Variants in ABLIM1 observed in about 807,000 individuals in gnomAD.
The protein encoded by ABLIM1 is actin-binding LIM protein 1.
ABLIM1 carries 40 observed loss-of-function variants against 107.0 expected under a neutral mutation model. That is an observed-to-expected ratio of 0.37 (90% CI 0.29 to 0.49). ABLIM1 has a LOEUF of 0.49. Among genes scored for constraint, ABLIM1 ranks in the 20% least tolerant of loss-of-function variants. The pLI, the probability that ABLIM1 is intolerant of heterozygous loss-of-function variation, is 0.97. For missense variants in ABLIM1, 857 were observed against 1,008.5 expected, an observed-to-expected ratio of 0.85 and a Z score of 2.04; for synonymous variants, 357 against 357.3, an observed-to-expected ratio of 1.00 and a Z score of 0.01.
chr10:114,612,807 T>C (rs994474049), intron 1 of ABLIM1, among the ~76,000 whole-genome samples: 1 of 152,164 alleles, frequency 6.6e-6, no homozygotes, highest in African/African-American at 2.4e-5. Context: ...ATCTGAGCCA[T>C]TTACAGAAAT....
intron 1 of ABLIM1, among the ~76,000 whole-genome samples, chr10:114,653,020 C>T (rs541078165): frequency 1.3e-5 from 2 of 152,284 alleles, no homozygotes; most frequent in East Asian, 3.9e-4. Context: ...GTTCAGCGTA[C>T]CTCATGAATG....
At chr10:114,480,972 T>C (rs540647498) in intron 8 of ABLIM1, among the ~76,000 whole-genome samples, 10 of 152,346 alleles carry the variant, frequency 6.6e-5, no homozygotes, top group South Asian at 2.1e-4. Flanking sequence ...TCTTTTTGTT[T>C]TCTTCATGAA....
chr10:114,461,393 GTT>G (rs11297952), intron 12 of ABLIM1, among the ~76,000 whole-genome samples: 22,816 of 140,694 alleles, frequency 0.16, 1,847 homozygotes, highest in Admixed American at 0.23. Flanking sequence ...CAACTGAAGG[GTT>G]TTTTTTTTTT....
At chr10:114,456,840 T>A (rs774948273) in intron 12 of ABLIM1, among the ~76,000 whole-genome samples, 1 of 151,994 alleles carries the variant, frequency 6.6e-6, no homozygotes, top group African/African-American at 2.4e-5. Context: ...TCCCAAGGAC[T>A]GGATTCTGGC....
At chr10:114,747,326 A>G (rs899139392) in intron 1 of ABLIM1, among the ~76,000 whole-genome samples, 1 of 152,216 alleles carries the variant, frequency 6.6e-6, no homozygotes, top group African/African-American at 2.4e-5. Flanking sequence ...CCACGGGGAC[A>G]TGGAAGCTTT....
intron 3 of ABLIM1, among the ~76,000 whole-genome samples, chr10:114,571,708 G>T (rs2071711392): frequency 6.6e-6 from 1 of 152,142 alleles, no homozygotes; most frequent in South Asian, 2.1e-4. Context: ...AGGGCACACA[G>T]AACAGTAAGT....
At chr10:114,715,432 CT>C (rs1176827546) in intron 1 of ABLIM1, among the ~76,000 whole-genome samples, 1 of 152,180 alleles carries the variant, frequency 6.6e-6, no homozygotes, top group African/African-American at 2.4e-5. Context: ...CTGCTCTTTC[CT>C]TAGTAAGAAC....
intron 1 of ABLIM1, among the ~76,000 whole-genome samples, chr10:114,638,071 A>G (rs997301029): frequency 6.6e-6 from 1 of 152,186 alleles, no homozygotes; most frequent in Non-Finnish European, 1.5e-5. Flanking sequence ...CTATTTTTGC[A>G]AAAGGTTGTG....
At chr10:114,787,358 G>T in the ABLIM1 span, among the ~76,000 whole-genome samples, 1 of 151,952 alleles carries the variant, frequency 6.6e-6, no homozygotes, top group Admixed American at 6.5e-5. Flanking sequence ...CGTCTGGGAA[G>T]TGAGGAGCGT....
At chr10:114,494,975 C>T (rs1449165606) in intron 6 of ABLIM1, among the ~76,000 whole-genome samples, 1 of 152,132 alleles carries the variant, frequency 6.6e-6, no homozygotes, top group African/African-American at 2.4e-5. Context: ...TCTTCAACCC[C>T]CTCATCAATC....
chr10:114,743,161 A>G (rs890260397), intron 1 of ABLIM1, among the ~76,000 whole-genome samples: 4 of 152,200 alleles, frequency 2.6e-5, no homozygotes, highest in Admixed American at 2.6e-4. Flanking sequence ...TGCAACTAGG[A>G]AAAGCAACTT....
intron 6 of ABLIM1, among the ~76,000 whole-genome samples, chr10:114,519,149 T>C (rs141226328): frequency 1.3e-5 from 2 of 152,284 alleles, no homozygotes; most frequent in Non-Finnish European, 2.9e-5. Context: ...GCAGAGGGGA[T>C]AGAGAAGCAC....
the ABLIM1 span, chr10:114,778,223 G>C: frequency 6.6e-6 from 1 of 152,446 alleles, no homozygotes; most frequent in Non-Finnish European, 1.5e-5. Context: ...AATTAGCCGG[G>C]CATAGTGTCA....
At chr10:114,586,188 T>C (rs558023577) in intron 2 of ABLIM1, among the ~76,000 whole-genome samples, 10 of 152,292 alleles carry the variant, frequency 6.6e-5, no homozygotes, top group African/African-American at 2.2e-4. Flanking sequence ...CCAACTTCTC[T>C]AGTCTCCTAA....
In ABLIM1 at chr10:114,704,335, T is replaced by TATATATATATATATATATATATCTCACG. The variant is rs3061769; in HGVS notation, c.-213+63725_-213+63726insCGTGAGATATATATATATATATATATAT. 4.6e-4 allele frequency among the ~76,000 whole-genome samples: 38 copies of TATATATATATATATATATATATCTCACG among 83,418 alleles called. 2 individuals are homozygous for TATATATATATATATATATATATCTCACG. Among genetic ancestry groups the TATATATATATATATATATATATCTCACG allele is most frequent in the Non-Finnish European group, 6.6e-4 (26 of 39,456 alleles). 54.7% of individuals were successfully genotyped at this position (83,418 alleles called of 152,430 possible). ...ATATATATATATATATATATATATATTGCGCGCGTTACATCTGTGAGGTAT... is the reference window on the plus strand; with the variant it reads ...ATATATATATATATATATATATATATATATATATATATATATATATATCTCACGTGCGCGCGTTACATCTGTGAGGTAT... On this transcript the variant is annotated intron_variant, in intron 1 of 15. Coordinates refer to the ABLIM1 transcript ENST00000651092.
chr10:114,695,185 G>A (rs941378245), intron 1 of ABLIM1, among the ~76,000 whole-genome samples: 3 of 152,162 alleles, frequency 2.0e-5, no homozygotes, highest in African/African-American at 4.8e-5. Context: ...CATCTGTTAA[G>A]CAGATGCCCC....
Position 114,583,468 on chromosome 10 carries a change from CATATATATATATATATATAT to C in ABLIM1, c.380-7889_380-7870del, listed in dbSNP as rs140129654. Among the ~76,000 whole-genome samples the C allele has an allele frequency of 6.9e-3, 104 of 15,058 alleles. 2 individuals carry two copies. Among genetic ancestry groups the C allele is most frequent in the East Asian group, 0.022 (4 of 182 alleles). 9.9% of individuals were successfully genotyped at this position (15,058 alleles called of 152,430 possible). A position where few individuals can be genotyped will look rare whatever the true frequency, so the allele number is the denominator to read the frequency against. ...ACACACACACACACACACACACACA[CATATATATATATATATATAT>C]ATATATATATATATATATATATACT... is the stretch of plus-strand genomic sequence containing the variant. On this transcript the variant is annotated intron_variant, in intron 2 of 22. Coordinates refer to ENST00000533213, the MANE Select transcript of ABLIM1 (RefSeq NM_002313.7).
intron 4 of ABLIM1, among the ~76,000 whole-genome samples, chr10:114,563,028 G>C (rs1035971711): frequency 2.0e-5 from 3 of 152,158 alleles, no homozygotes; most frequent in African/African-American, 7.2e-5. Context: ...AGCAACCCAA[G>C]TAAATTTAAG....
chr10:114,577,598 G>A (rs986435867), intron 2 of ABLIM1, among the ~76,000 whole-genome samples: 3 of 152,154 alleles, frequency 2.0e-5, no homozygotes, highest in South Asian at 4.1e-4. Context: ...CAGATCACAT[G>A]GTTTTGTGAA....
Sources: allele counts gnomAD v4.1 joint callset (sites outside exome capture counted in the v4.1 genomes callset), GRCh38; gene constraint gnomAD v4.1.1; transcripts MANE v1.5; gene names NCBI Gene and HGNC (gene_info 2026-07-23, HGNC 2026-07-21).